The following PCDH17 variants were observed in gnomAD, a reference collection of about 807,000 sequenced individuals.
The protein encoded by PCDH17 is protocadherin 17.
In PCDH17, 21 loss-of-function variants were observed where a neutral mutation model predicts 67.7. The observed-to-expected ratio is 0.31, with a 90% confidence interval of 0.22 to 0.45. The LOEUF (loss-of-function observed/expected upper bound fraction) is 0.45, where lower values mean the gene tolerates loss of function less well. Ranked by LOEUF, PCDH17 falls within the 20% of genes least tolerant of loss-of-function variation. The pLI is 1.00. For synonymous variants in PCDH17, 701 were observed against 656.7 expected, an observed-to-expected ratio of 1.07 and a Z score of -1.03; for missense variants, 1,471 against 1,564.8, an observed-to-expected ratio of 0.94 and a Z score of 1.01.
rs767692283 is a variant in PCDH17 at position 57,634,141 on chromosome 13, G to A, written c.1595G>A (p.Gly532Glu). 6.2e-7 allele frequency: 1 copy of A among 1,613,650 alleles called. No individual in the cohort carries two copies. ...TATGTGTCTGTGAATCCCACGAACG[G>A]GGCCATCTACGCCCTGCGCTCCTTT... ...YTYVSVNPTNGAIYALRSFNF... is the reference protein window; with the variant it reads ...YTYVSVNPTNEAIYALRSFNF... Residue 532 changes from glycine (G) to glutamate (E), a missense_variant, in exon 1 of 4, where the codon GGG becomes GAG. By Grantham distance (98) the Gly-to-Glu change is moderately conservative. Around this residue, in one of 3 missense-constraint regions of PCDH17, gnomAD observed 1,163 missense variants for 1,230.0 expected, o/e 0.95. Coordinates refer to ENST00000377918, the MANE Select transcript of PCDH17 (RefSeq NM_001040429.3). The surrounding 1 kb of genome is among the most constrained non-coding windows in gnomAD (Gnocchi z 7.8).
chr13:57,650,336 G>T (rs1033837322), intron 1 of PCDH17, among the ~76,000 whole-genome samples: 2 of 150,302 alleles, frequency 1.3e-5, no homozygotes, highest in Non-Finnish European at 3.0e-5. Context: ...TGAGATTCAG[G>T]CACGGCTGGT....
At chr13:57,630,362 A>T (rs950671247), upstream of PCDH17, among the ~76,000 whole-genome samples, 2 of 151,962 alleles carry the variant, frequency 1.3e-5, no homozygotes, top group Non-Finnish European at 1.5e-5. Context: ...TTAAAAAAAA[A>T]AAAAACCTCC....
At chr13:57,709,930 G>A (rs1346879552) in intron 3 of PCDH17, among the ~76,000 whole-genome samples, 1 of 151,806 alleles carries the variant, frequency 6.6e-6, no homozygotes, top group Non-Finnish European at 1.5e-5. Flanking sequence ...AATGCTCTTA[G>A]TATTTCCGGA....
intron 1 of PCDH17, among the ~76,000 whole-genome samples, chr13:57,659,680 T>C (rs1955159584): frequency 6.6e-6 from 1 of 152,192 alleles, no homozygotes; most frequent in African/African-American, 2.4e-5. Context: ...TATTACATGT[T>C]TTTTAAGTTT....
intron 3 of PCDH17, among the ~76,000 whole-genome samples, chr13:57,704,631 C>T (rs1955701274): frequency 6.6e-6 from 1 of 150,698 alleles, no homozygotes; most frequent in Non-Finnish European, 1.5e-5. Flanking sequence ...AATTGGAAGC[C>T]ATTATTTGAA....
At chr13:57,638,853 C>T (rs534597105) in intron 1 of PCDH17, among the ~76,000 whole-genome samples, 1 of 152,068 alleles carries the variant, frequency 6.6e-6, no homozygotes, top group South Asian at 2.1e-4. Flanking sequence ...TTTATTCCCA[C>T]TTTGCTCTAG....
intron 3 of PCDH17, among the ~76,000 whole-genome samples, chr13:57,723,721 A>C (rs1015769166): frequency 6.6e-6 from 1 of 152,246 alleles, no homozygotes; most frequent in Non-Finnish European, 1.5e-5. Context: ...ATTGGGGTCA[A>C]TGGAAGTATG....
chr13:57,690,950 T>A (rs61961892), intron 3 of PCDH17, among the ~76,000 whole-genome samples: 7,668 of 151,548 alleles, frequency 0.051, 259 homozygotes, highest in Middle Eastern at 0.095. Flanking sequence ...TTAAATGCAG[T>A]ATCAACATTT....
At chr13:57,693,013 A>G (rs1031727440) in intron 3 of PCDH17, among the ~76,000 whole-genome samples, 1 of 150,792 alleles carries the variant, frequency 6.6e-6, no homozygotes, top group African/African-American at 2.4e-5. Context: ...AAATAGAGAC[A>G]GTGGAATTTC....
chr13:57,696,555 T>C (rs748839618), intron 3 of PCDH17, among the ~76,000 whole-genome samples: 1 of 151,468 alleles, frequency 6.6e-6, no homozygotes, highest in Non-Finnish European at 1.5e-5. Flanking sequence ...AATTGGACTG[T>C]TTTTAAATGC....
chr13:57,662,368 C>G (rs1955194221), intron 1 of PCDH17, among the ~76,000 whole-genome samples: 1 of 152,124 alleles, frequency 6.6e-6, no homozygotes, highest in Non-Finnish European at 1.5e-5. Flanking sequence ...AAATTGTCTT[C>G]CAATCCATAA....
intron 3 of PCDH17, among the ~76,000 whole-genome samples, chr13:57,684,422 A>T (rs1955487966): frequency 6.6e-6 from 1 of 151,880 alleles, no homozygotes; most frequent in Non-Finnish European, 1.5e-5. Flanking sequence ...CCTAGCCTAC[A>T]TCTACCAAAA....
chr13:57,714,693 C>G (rs1955803265), intron 3 of PCDH17, among the ~76,000 whole-genome samples: 1 of 151,704 alleles, frequency 6.6e-6, no homozygotes, highest in East Asian at 1.9e-4. Flanking sequence ...GCATATAAAT[C>G]AGGTTCTTTC....
At position 57,634,140 on chromosome 13, in the gene PCDH17, G is replaced by C. The variant is rs1333242650; in HGVS notation, c.1594G>C (p.Gly532Arg). ...CTATGTGTCTGTGAATCCCACGAAC[G>C]GGGCCATCTACGCCCTGCGCTCCTT... ...YTYVSVNPTNGAIYALRSFNF... is the reference protein window; with the variant it reads ...YTYVSVNPTNRAIYALRSFNF... The change falls in exon 1 of 4, where the codon GGG (glycine) becomes CGG (arginine). Residue 532 changes from glycine (G) to arginine (R), a missense_variant. Physicochemically the swap from Gly to Arg is moderately radical, Grantham distance 125. Around this residue, in one of 3 missense-constraint regions of PCDH17, gnomAD observed 1,163 missense variants for 1,230.0 expected, o/e 0.95. Transcript: ENST00000377918. The surrounding 1 kb of genome is among the most constrained non-coding windows in gnomAD (Gnocchi z 7.8). 6 of 1,613,546 alleles carry C rather than the reference G, an allele frequency of 3.7e-6. No individual in the cohort carries two copies. The highest frequency in any genetic ancestry group is 5.1e-6 in the Non-Finnish European group (6 of 1,180,046).
chr13:57,664,185 G>A (rs982664311), intron 1 of PCDH17, among the ~76,000 whole-genome samples: 2 of 152,112 alleles, frequency 1.3e-5, no homozygotes, highest in African/African-American at 2.4e-5. Context: ...TTACTGGCAT[G>A]AGACACTCCA....
intron 3 of PCDH17, among the ~76,000 whole-genome samples, chr13:57,681,145 T>C (rs1328510059): frequency 2.0e-5 from 3 of 151,730 alleles, no homozygotes; most frequent in African/African-American, 7.2e-5. Flanking sequence ...CTCGCTCATT[T>C]TGATGCCTTT....
At chr13:57,654,401 G>A (rs1261364059) in intron 1 of PCDH17, among the ~76,000 whole-genome samples, 1 of 149,682 alleles carries the variant, frequency 6.7e-6, no homozygotes, top group African/African-American at 2.4e-5. Context: ...TATTTCTTAA[G>A]TTTTTTTTTT....
chr13:57,666,724 T>C lies in PCDH17; in HGVS notation c.2688T>C (p.Asp896=), dbSNP rs1194761566. 6.2e-7 allele frequency: 1 copy of C among 1,613,788 alleles called. No homozygotes were observed. The highest frequency in any genetic ancestry group is 8.5e-7 in the Non-Finnish European group (1 of 1,179,848). Residue 896 remains aspartate, a synonymous_variant, in exon 3 of 4, where the codon GAT becomes GAC. Transcript: ENST00000377918. ...GAGACAGTGGGCACGGGGACAGTGA[T>C]CAGGCTGACAGTGACCAAGACACTA... ...SLRDSGHGDS[D]QADSDQDTNK...
intron 1 of PCDH17, among the ~76,000 whole-genome samples, chr13:57,648,270 A>G (rs558863849): frequency 6.6e-6 from 1 of 151,994 alleles, no homozygotes; most frequent in Non-Finnish European, 1.5e-5. Context: ...ATTGTAATAA[A>G]CCTATTATCT....
Sources: gnomAD v4.1 joint callset for allele counts (sites outside exome capture counted in the v4.1 genomes callset) on GRCh38, gnomAD v4.1.1 for gene constraint, gnomAD v4.1.1 regional missense constraint, Gnocchi (gnomAD v3.1) non-coding constraint, MANE v1.5 for transcripts, NCBI Gene and HGNC (gene_info 2026-07-23, HGNC 2026-07-21) for gene names.